PSMD14: variants seen among roughly 807,000 people sequenced by gnomAD.
PSMD14 encodes the protein ubiquitin C-terminal hydrolase PSMD14.
Under a neutral mutation model 41.2 loss-of-function variants are expected in PSMD14, and 7 were observed. The ratio of observed to expected loss-of-function variants is 0.17; its 90% confidence interval spans 0.10 to 0.32. PSMD14 has a LOEUF of 0.32. PSMD14 is among the 10% of genes least tolerant of loss of function. PSMD14 has a pLI of 1.00. For synonymous variants in PSMD14, 114 were observed against 122.3 expected (o/e 0.93, Z 0.45); for missense variants, 139 against 375.6 (o/e 0.37, Z 5.21).
chr2:161,327,889 C>CT (rs1682723310), intron 3 of PSMD14, among the ~76,000 whole-genome samples: 1 of 139,742 alleles, frequency 7.2e-6, no homozygotes, highest in Non-Finnish European at 1.5e-5. Flanking sequence ...AAAAAACAAA[C>CT]AAACCTGTGG....
At chr2:161,393,780 G>A (rs1197806092) in intron 9 of PSMD14, among the ~76,000 whole-genome samples, 1 of 151,590 alleles carries the variant, frequency 6.6e-6, no homozygotes, top group Non-Finnish European at 1.5e-5. Flanking sequence ...GTCCTCAATT[G>A]AAGAAAATTT....
chr2:161,343,050 TGTC>T (rs980108807), intron 3 of PSMD14, among the ~76,000 whole-genome samples: 1 of 152,190 alleles, frequency 6.6e-6, no homozygotes, highest in Non-Finnish European at 1.5e-5. Context: ...TCTAAATAGT[TGTC>T]TTTTTTTAAT....
chr2:161,400,387 C>T (rs1031806783), intron 10 of PSMD14, among the ~76,000 whole-genome samples: 2 of 152,034 alleles, frequency 1.3e-5, no homozygotes, highest in African/African-American at 4.8e-5. Flanking sequence ...GGATCCTTTC[C>T]ATAAGTTCCA....
chr2:161,336,751 T>C (rs1195420353), intron 3 of PSMD14, among the ~76,000 whole-genome samples: 2 of 152,114 alleles, frequency 1.3e-5, no homozygotes, highest in African/African-American at 2.4e-5. Context: ...AATTTTTATA[T>C]TTTTAATAGA....
At chr2:161,368,933 A>G (rs961122582) in intron 5 of PSMD14, among the ~76,000 whole-genome samples, 2 of 152,024 alleles carry the variant, frequency 1.3e-5, no homozygotes, top group East Asian at 3.9e-4. Flanking sequence ...TAAATAGATG[A>G]ATTTGTTGAG....
intron 3 of PSMD14, among the ~76,000 whole-genome samples, chr2:161,338,341 GTTT>G (rs34156868): frequency 9.9e-4 from 132 of 133,042 alleles, no homozygotes; most frequent in African/African-American, 1.2e-3. Context: ...GGTTAGGAGA[GTTT>G]TTTTTTTTTT....
At chr2:161,405,639 A>G (rs768342931) in intron 10 of PSMD14, among the ~76,000 whole-genome samples, 3 of 152,224 alleles carry the variant, frequency 2.0e-5, no homozygotes, top group Non-Finnish European at 2.9e-5. Context: ...TATTGTTTAT[A>G]TAGTCAATAC....
At chr2:161,362,398 T>C (rs1273978341) in intron 3 of PSMD14, among the ~76,000 whole-genome samples, 1 of 152,218 alleles carries the variant, frequency 6.6e-6, no homozygotes, top group African/African-American at 2.4e-5. Context: ...ATTTACATTA[T>C]TTATATCTAT....
At chr2:161,391,878 C>T (rs562044786) in intron 9 of PSMD14, among the ~76,000 whole-genome samples, 1 of 152,242 alleles carries the variant, frequency 6.6e-6, no homozygotes, top group East Asian at 1.9e-4. Context: ...CAATCATTAG[C>T]ATGAGCCATT....
At chr2:161,332,853 G>A (rs1007349799) in intron 3 of PSMD14, among the ~76,000 whole-genome samples, 1 of 152,172 alleles carries the variant, frequency 6.6e-6, no homozygotes, top group Admixed American at 6.5e-5. Context: ...AGTAATTTTG[G>A]TTGGGGATCT....
At chr2:161,347,546 ATC>A (rs906607725) in intron 3 of PSMD14, among the ~76,000 whole-genome samples, 1 of 152,236 alleles carries the variant, frequency 6.6e-6, no homozygotes, top group African/African-American at 2.4e-5. Flanking sequence ...TTTTAAGAAA[ATC>A]TGTTCAAATT....
chr2:161,392,989 C>T (rs1342207856), intron 9 of PSMD14, among the ~76,000 whole-genome samples: 2 of 152,016 alleles, frequency 1.3e-5, no homozygotes, highest in Non-Finnish European at 2.9e-5. Flanking sequence ...GCATAAAAAG[C>T]AAATATATAA....
At chr2:161,356,177 C>T (rs1683194879) in intron 3 of PSMD14, among the ~76,000 whole-genome samples, 1 of 152,068 alleles carries the variant, frequency 6.6e-6, no homozygotes, top group African/African-American at 2.4e-5. Context: ...ACTTTAATGA[C>T]CTAGCCTTGC....
chr2:161,311,625 CTTTTT>C (rs34635738), intron 1 of PSMD14, among the ~76,000 whole-genome samples: 4 of 58,586 alleles, frequency 6.8e-5, no homozygotes, highest in East Asian at 5.0e-4. Context: ...CTCACTCTTC[CTTTTT>C]TTTTTTTTTT....
chr2:161,354,111 G>C (rs1216251739), intron 3 of PSMD14, among the ~76,000 whole-genome samples: 1 of 152,134 alleles, frequency 6.6e-6, no homozygotes, highest in Non-Finnish European at 1.5e-5. Context: ...TCAGTGTTCT[G>C]TTATGAGACG....
chr2:161,370,909 G>A (rs1375681986), intron 6 of PSMD14, among the ~76,000 whole-genome samples: 1 of 152,098 alleles, frequency 6.6e-6, no homozygotes, highest in African/African-American at 2.4e-5. Context: ...GAGAAACTGT[G>A]GTAACAAGGT....
intron 1 of PSMD14, among the ~76,000 whole-genome samples, chr2:161,310,239 T>G (rs184941968): frequency 2.0e-5 from 3 of 152,374 alleles, no homozygotes; most frequent in African/African-American, 7.2e-5. Context: ...TGCTTGTTAA[T>G]ATATAGTTTG....
chr2:161,338,675 G>A (rs1337688386), intron 3 of PSMD14, among the ~76,000 whole-genome samples: 3 of 152,090 alleles, frequency 2.0e-5, no homozygotes, highest in Non-Finnish European at 4.4e-5. Flanking sequence ...TTGACATACA[G>A]TAAACGATAA....
chr2:161,377,022 C>T (rs918496199), intron 7 of PSMD14, among the ~76,000 whole-genome samples: 2 of 151,194 alleles, frequency 1.3e-5, no homozygotes, highest in Non-Finnish European at 3.0e-5. Flanking sequence ...TTGACAAGGT[C>T]AGTTAGCCAG....
Sources: allele counts gnomAD v4.1 joint callset (sites outside exome capture counted in the v4.1 genomes callset), GRCh38; gene constraint gnomAD v4.1.1; transcripts MANE v1.5; gene names NCBI Gene and HGNC (gene_info 2026-07-23, HGNC 2026-07-21).